The following GRM8 variants were observed in gnomAD, a reference collection of about 807,000 sequenced individuals.
GRM8 encodes glutamate metabotropic receptor 8, also known as metabotropic glutamate receptor 8.
A neutral mutation model predicts 87.2 loss-of-function variants in GRM8; 47 were observed. The observed-to-expected ratio is 0.54, with a 90% CI of 0.43 to 0.69. The LOEUF (loss-of-function observed/expected upper bound fraction) is 0.69, where lower values mean the gene tolerates loss of function less well. GRM8 is among the 30% of genes least tolerant of loss of function. The probability of loss-of-function intolerance (pLI) is 0.00; values close to 1 mark genes in which losing one functional copy is unlikely to be tolerated. For missense variants in GRM8, 1,019 were observed against 1,139.2 expected, an observed-to-expected ratio of 0.89 and a Z score of 1.52; for synonymous variants, 396 against 404.5, an observed-to-expected ratio of 0.98 and a Z score of 0.25.
chr7:126,793,436 A>C (rs770414678), intron 6 of GRM8, among the ~76,000 whole-genome samples: 1 of 152,176 alleles, frequency 6.6e-6, no homozygotes, highest in Non-Finnish European at 1.5e-5. Context: ...CCTGATTTGA[A>C]AAGTGGGATT....
At chr7:126,708,931 G>A (rs1028662889) in intron 7 of GRM8, among the ~76,000 whole-genome samples, 1 of 152,030 alleles carries the variant, frequency 6.6e-6, no homozygotes, top group African/African-American at 2.4e-5. Context: ...TTAATAAAAT[G>A]TATTCTACCC....
chr7:126,690,411 G>C (rs1411401615), intron 7 of GRM8, among the ~76,000 whole-genome samples: 4 of 152,214 alleles, frequency 2.6e-5, no homozygotes, highest in Non-Finnish European at 5.9e-5. Context: ...CTGCAAGGCT[G>C]TAGCTGAACC....
intron 3 of GRM8, among the ~76,000 whole-genome samples, chr7:127,014,950 AG>A (rs1815265827): frequency 3.9e-5 from 5 of 128,984 alleles, no homozygotes; most frequent in Non-Finnish European, 8.4e-5. Flanking sequence ...AGAGAAAGAG[AG>A]AGAGAAGAAG....
In GRM8 at chr7:126,438,967, T is replaced by C; in HGVS notation, c.*152A>G. 1 of 620,532 alleles carries C rather than the reference T, an allele frequency of 1.6e-6. No individual in the cohort carries two copies. The highest frequency in any genetic ancestry group is 2.1e-5 in the South Asian group (1 of 47,300). 38.4% of individuals were successfully genotyped at this position (620,532 alleles called of 1,614,324 possible). ...TTCACTCCCCGTTTATTGATACTTT[T>C]GGCTCATGGCTAATTTTTGTTCCTT... On this transcript the variant is annotated 3_prime_UTR_variant, in exon 11 of 11. Transcript: ENST00000339582.
chr7:126,840,607 T>C (rs926723040), intron 6 of GRM8, among the ~76,000 whole-genome samples: 2 of 152,220 alleles, frequency 1.3e-5, no homozygotes, highest in Non-Finnish European at 2.9e-5. Flanking sequence ...TAAAAGTTAA[T>C]TGTTGACTAT....
intron 2 of GRM8, among the ~76,000 whole-genome samples, chr7:127,204,430 G>A (rs974363173): frequency 1.3e-5 from 2 of 152,174 alleles, no homozygotes; most frequent in Non-Finnish European, 2.9e-5. Context: ...GTTGCCATTA[G>A]AAACTTCCTA....
chr7:126,883,272 T>C (rs1800187016), intron 6 of GRM8, among the ~76,000 whole-genome samples: 1 of 152,228 alleles, frequency 6.6e-6, no homozygotes, highest in African/African-American at 2.4e-5. Flanking sequence ...AAGAGAATGT[T>C]CAGCCTCATT....
intron 3 of GRM8, among the ~76,000 whole-genome samples, chr7:127,023,495 G>A (rs1816479384): frequency 6.6e-6 from 1 of 152,046 alleles, no homozygotes; most frequent in African/African-American, 2.4e-5. Flanking sequence ...ACATAAAAGA[G>A]GTTAATTTTC....
At chr7:127,224,428 C>T (rs1290066968) in intron 2 of GRM8, among the ~76,000 whole-genome samples, 1 of 152,184 alleles carries the variant, frequency 6.6e-6, no homozygotes, top group Non-Finnish European at 1.5e-5. Flanking sequence ...AAAGAACTAT[C>T]AATCCAAAAT....
At chr7:126,596,169 C>A (rs757755357) in intron 8 of GRM8, among the ~76,000 whole-genome samples, 14 of 152,118 alleles carry the variant, frequency 9.2e-5, no homozygotes, top group Non-Finnish European at 7.3e-5. Context: ...TGGGTATATA[C>A]GCCAGTAATG....
chr7:126,821,081 G>A (rs1430400062), intron 6 of GRM8, among the ~76,000 whole-genome samples: 5 of 152,158 alleles, frequency 3.3e-5, no homozygotes, highest in African/African-American at 1.2e-4. Flanking sequence ...CAGCCTGGGC[G>A]ACGGAGCAAG....
chr7:126,663,258 TGGA>T (rs1805401527), intron 7 of GRM8, among the ~76,000 whole-genome samples: 2 of 152,208 alleles, frequency 1.3e-5, no homozygotes, highest in Non-Finnish European at 2.9e-5. Flanking sequence ...TTCCAAAAAA[TGGA>T]GGAGGAGGGA....
chr7:127,208,580 C>A (rs921978415), intron 2 of GRM8, among the ~76,000 whole-genome samples: 1 of 152,140 alleles, frequency 6.6e-6, no homozygotes, highest in Non-Finnish European at 1.5e-5. Context: ...TATACCAAAC[C>A]CTGGGACTCT....
chr7:126,579,846 T>C (rs929947233), intron 8 of GRM8, among the ~76,000 whole-genome samples: 53 of 152,160 alleles, frequency 3.5e-4, no homozygotes, highest in African/African-American at 1.2e-3. Context: ...TAATCAATGT[T>C]ATAGAAAAGG....
intron 7 of GRM8, among the ~76,000 whole-genome samples, chr7:126,675,184 G>A (rs376793958): frequency 1.3e-5 from 2 of 151,996 alleles, no homozygotes; most frequent in African/African-American, 4.8e-5. Flanking sequence ...AGATTTTACA[G>A]GAAGAAACAG....
intron 2 of GRM8, among the ~76,000 whole-genome samples, chr7:127,198,332 G>A (rs376910360): frequency 3.9e-4 from 59 of 152,298 alleles, no homozygotes; most frequent in African/African-American, 1.4e-3. Context: ...AAAAGTCTTT[G>A]TCACCACGAA....
intron 8 of GRM8, among the ~76,000 whole-genome samples, chr7:126,567,497 T>G (rs1794331069): frequency 6.6e-6 from 1 of 152,140 alleles, no homozygotes; most frequent in Non-Finnish European, 1.5e-5. Context: ...ACATGGCACA[T>G]GCATACATAT....
At chr7:126,587,586 C>A (rs1034224401) in intron 8 of GRM8, among the ~76,000 whole-genome samples, 6 of 150,992 alleles carry the variant, frequency 4.0e-5, no homozygotes, top group East Asian at 3.9e-4. Flanking sequence ...GACAAAAAAA[C>A]CAAACACCGC....
chr7:126,725,412 G>A (rs1367270460), intron 7 of GRM8, among the ~76,000 whole-genome samples: 1 of 152,104 alleles, frequency 6.6e-6, no homozygotes, highest in Non-Finnish European at 1.5e-5. Flanking sequence ...TAGGACGAAG[G>A]TCCACAATCC....
Sources: allele counts gnomAD v4.1 joint callset (sites outside exome capture counted in the v4.1 genomes callset), GRCh38; gene constraint gnomAD v4.1.1; transcripts MANE v1.5; gene names NCBI Gene and HGNC (gene_info 2026-07-23, HGNC 2026-07-21).